The following KIF19 variants were observed in gnomAD, a reference collection of about 807,000 sequenced individuals.
The protein encoded by KIF19 is kinesin-like protein KIF19.
KIF19 carries 98 observed loss-of-function variants against 106.6 expected under a neutral mutation model. The observed-to-expected ratio is 0.92, with a 90% CI of 0.78 to 1.09. KIF19 has a LOEUF of 1.09. Ranked by LOEUF, KIF19 falls within the 50% of genes least tolerant of loss-of-function variation. The pLI, the probability that KIF19 is intolerant of heterozygous loss-of-function variation, is 0.00. For missense variants in KIF19, 1,373 were observed against 1,414.3 expected, an observed-to-expected ratio of 0.97 and a Z score of 0.47; for synonymous variants, 516 against 584.2, an observed-to-expected ratio of 0.88 and a Z score of 1.68.
chr17:74,329,276 G>A (rs757715207), intron 2 of KIF19: 1 of 151,982 alleles, frequency 6.6e-6, no homozygotes, highest in African/African-American at 2.4e-5. Context: ...GTGAAACCCA[G>A]TCTCTACTGA....
chr17:74,352,221 T>C lies in KIF19; in HGVS notation c.1861T>C (p.Tyr621His). The C allele has an allele frequency of 6.2e-7, 1 of 1,611,750 alleles. No homozygotes were observed. The change falls in exon 14 of 20, where the codon TAC becomes CAC. Residue 621 changes from tyrosine (Y) to histidine (H), a missense_variant and splice_region_variant. By Grantham distance (83) the Tyr-to-His change is moderately conservative (BLOSUM62 2). Coordinates refer to ENST00000389916, the MANE Select transcript of KIF19 (RefSeq NM_153209.4). ...IQGQRQIIDD[Y>H]NLAVPQRLEE... is the part of the protein sequence containing the mutation. ...GAGCCCTGCCCCTTCCCCAGCAGAC[T>C]ACAACCTGGCCGTCCCGCAGCGCCT...
In KIF19 at chr17:74,341,858, C is replaced by T. The variant is rs1214481836; in HGVS notation, c.121-18C>T. 6 of 1,600,654 alleles carry T rather than the reference C, an allele frequency of 3.7e-6. No individual in the cohort carries two copies. The Admixed American group carries it at 8.3e-5, about 22-fold the overall frequency. ...GGGTTCCCAGGTGACCGTGGGCCTC[C>T]CTCTGGGGACCTTGCAGATGGTGGT... On this transcript the variant is annotated intron_variant, in intron 2 of 19. Transcript: ENST00000389916.
intron 2 of KIF19, among the ~76,000 whole-genome samples, chr17:74,330,769 C>T (rs2054055420): frequency 6.6e-6 from 1 of 152,228 alleles, no homozygotes; most frequent in African/African-American, 2.4e-5. Context: ...CCTCCACTGC[C>T]TCCACCTCCA....
chr17:74,332,440 CA>C (rs1157112815), intron 2 of KIF19, among the ~76,000 whole-genome samples: 2 of 152,020 alleles, frequency 1.3e-5, no homozygotes, highest in African/African-American at 4.8e-5. Flanking sequence ...AGCTACAGAT[CA>C]AACAGCCGTC....
At position 74,344,359 on chromosome 17, in the gene KIF19, T is replaced by A; in HGVS notation, c.582+11T>A. 3 of 1,610,972 alleles carry A rather than the reference T, an allele frequency of 1.9e-6. No individual in the cohort carries two copies. In the South Asian group the frequency reaches 3.3e-5, roughly 18 times the overall value. On this transcript the variant is annotated intron_variant, in intron 6 of 19. Coordinates refer to ENST00000389916, the MANE Select transcript of KIF19 (RefSeq NM_153209.4). ...ATCAATGCCAAGGAGGCGAGTTTTG[T>A]GTGGCCAGCCTGGAGCCGCTGAGAG...
intron 17 of KIF19, 142 bp from the exon 18 acceptor site, chr17:74,354,020 A>C: frequency 2.2e-6 from 2 of 922,426 alleles, no homozygotes; most frequent in Non-Finnish European, 3.2e-6. Context: ...AAATGGGCCC[A>C]AGTTTCTTAC....
Position 74,355,282 on chromosome 17 carries a change from T to G in KIF19, c.2967T>G (p.His989Gln), listed in dbSNP as rs1480379128. The change falls in exon 20 of 20, where the codon CAT (histidine) becomes CAG (glutamine). Residue 989 changes from histidine (H) to glutamine (Q), a missense_variant. His to Gln is a conservative substitution (Grantham distance 24, BLOSUM62 0). Transcript: ENST00000389916. The part of the protein sequence containing the change: ...GPRLPHGTST[H>Q]GKDGCSRHN ...GCCTGCCCCACGGCACAAGCACCCA[T>G]GGCAAAGATGGATGCTCCCGGCATA... 1 of 1,611,994 alleles carries G rather than the reference T, an allele frequency of 6.2e-7. No individual in the cohort carries two copies. The highest frequency in any genetic ancestry group is 8.5e-7 in the Non-Finnish European group (1 of 1,179,560).
chr17:74,332,179 A>AGTGTGTGT (rs1270595840), intron 2 of KIF19, among the ~76,000 whole-genome samples: 197 of 117,778 alleles, frequency 1.7e-3, no homozygotes, highest in African/African-American at 5.6e-3. Context: ...TGAACACCTC[A>AGTGTGTGT]GTGTGTGTGT....
At chr17:74,342,554 G>T in intron 3 of KIF19, 76 bp from the exon 4 acceptor site, 1 of 1,125,288 alleles carries the variant, frequency 8.9e-7, no homozygotes, top group Non-Finnish European at 1.3e-6. Flanking sequence ...TCCTATCAGA[G>T]GTCAGGAAGA....
At position 74,351,934 on chromosome 17, in the gene KIF19, G is replaced by T. The variant is rs576803871; in HGVS notation, c.1655G>T (p.Arg552Leu). 27 of 1,452,948 alleles carry T rather than the reference G, an allele frequency of 1.9e-5. No individual in the cohort carries two copies. The highest frequency in any genetic ancestry group is 2.9e-5 in the East Asian group (1 of 34,312). The allele number at this position is 1,452,948 out of a possible 1,614,324, so 90.0% of individuals were successfully genotyped here. A position where few individuals can be genotyped will look rare whatever the true frequency, so the allele number is the denominator to read the frequency against. Residue 552 changes from arginine (R) to leucine (L), a missense_variant, in exon 13 of 20, where the codon CGG becomes CTG. Around this residue, in one of 3 missense-constraint regions of KIF19, gnomAD observed 1,020 missense variants for 1,008.2 expected, o/e 1.01. Coordinates refer to ENST00000389916, the MANE Select transcript of KIF19 (RefSeq NM_153209.4). ...RGRRLEETLP[R>L]RIGSEEQREV... Reference sequence around the variant, plus strand: ...CGGCGCCTGGAGGAGACGCTGCCGCGGCGCATCGGCTCCGAGGAGCAGCGC... The same window carrying T: ...CGGCGCCTGGAGGAGACGCTGCCGCTGCGCATCGGCTCCGAGGAGCAGCGC...
intron 2 of KIF19, among the ~76,000 whole-genome samples, chr17:74,335,450 C>A (rs1397106841): frequency 6.6e-6 from 1 of 152,244 alleles, no homozygotes; most frequent in Non-Finnish European, 1.5e-5. Flanking sequence ...GAGCCTGGTC[C>A]CCCGATAGGG....
chr17:74,343,285 A>C, intron 5 of KIF19, 125 bp downstream of exon 5: 2 of 960,918 alleles, frequency 2.1e-6, no homozygotes, highest in Non-Finnish European at 1.5e-6. Flanking sequence ...CCACTTTACA[A>C]ACATCGCAGG....
intron 2 of KIF19, among the ~76,000 whole-genome samples, chr17:74,340,751 G>A (rs1000409292): frequency 6.6e-6 from 1 of 152,220 alleles, no homozygotes; most frequent in Admixed American, 6.5e-5. Context: ...TCTCAGCTGC[G>A]AGTGGAGATC....
At chr17:74,330,768 C>T (rs914517639) in intron 2 of KIF19, among the ~76,000 whole-genome samples, 3 of 152,204 alleles carry the variant, frequency 2.0e-5, no homozygotes, top group Non-Finnish European at 4.4e-5. Flanking sequence ...GCCTCCACTG[C>T]CTCCACCTCC....
At position 74,354,393 on chromosome 17, in the gene KIF19, CCAG is replaced by C. The variant is rs1567925510; in HGVS notation, c.2546_2548del (p.Ser849del). 8.7e-6 allele frequency: 14 copies of C among 1,610,500 alleles called. No homozygotes were observed. The highest frequency in any genetic ancestry group is 1.2e-5 in the Non-Finnish European group (14 of 1,178,968). ...CATGCTGCCAGTGAGGACAACCTGT[CCAG>C]CAGCACGGGCGAGGCCCCGTCCCGG... On this transcript the variant is annotated inframe_deletion, in exon 18 of 20. Coordinates refer to ENST00000389916, the MANE Select transcript of KIF19 (RefSeq NM_153209.4).
At chr17:74,341,725 C>T in intron 2 of KIF19, 151 bp from the exon 3 acceptor site, 1 of 629,748 alleles carries the variant, frequency 1.6e-6, no homozygotes, top group East Asian at 2.7e-5. Context: ...TGCCCACATC[C>T]TGAGGCGACG....
rs1484867121 is a variant in KIF19 at position 74,350,785 on chromosome 17, C to T, written c.1467C>T (p.Ser489=). The T allele has an allele frequency of 2.5e-6, 4 of 1,614,022 alleles. No individual in the cohort carries two copies. Among genetic ancestry groups the T allele is most frequent in the South Asian group, 1.1e-5 (1 of 91,082 alleles). Residue 489 remains serine (S), a synonymous_variant, in exon 12 of 20, where the codon AGC becomes AGT. Transcript: ENST00000389916. ...AGGAGTGCTACGCTAAGGACGACAG[C>T]GAGAAGGACTCAGACACAGGTGATG... ...QRKECYAKDD[S]EKDSDTGDDQ... is the part of the protein sequence containing the mutation.
intron 2 of KIF19, among the ~76,000 whole-genome samples, chr17:74,334,294 G>A (rs535444739): frequency 1.3e-5 from 2 of 152,328 alleles, no homozygotes; most frequent in South Asian, 4.1e-4. Context: ...TGGATACAAG[G>A]AAGGGTGCTT....
rs776889374 is a variant in KIF19 at position 74,350,472 on chromosome 17, G to A, written c.1285G>A (p.Ala429Thr). The A allele has an allele frequency of 1.4e-5, 22 of 1,611,236 alleles. No homozygotes were observed. The highest frequency in any genetic ancestry group is 6.7e-5 in the East Asian group (3 of 44,822). ...MGQLREQLASAFQEQMDVRRR... is the reference protein window; with the variant it reads ...MGQLREQLASTFQEQMDVRRR... ...ACAGCTTCGGGAGCAGCTCGCCAGC[G>A]CCTTCCAGGAGCAGATGGATGTGCG... The change falls in exon 11 of 20, where the codon GCC (alanine) becomes ACC (threonine). Residue 429 changes from alanine (A) to threonine (T), a missense_variant. Physicochemically the swap from Ala to Thr is moderately conservative, Grantham distance 58. Coordinates refer to ENST00000389916, the MANE Select transcript of KIF19 (RefSeq NM_153209.4).
Sources: allele counts gnomAD v4.1 joint callset (sites outside exome capture counted in the v4.1 genomes callset), GRCh38; gene constraint gnomAD v4.1.1; regional missense constraint gnomAD v4.1.1; transcripts MANE v1.5; gene names NCBI Gene and HGNC (gene_info 2026-07-23, HGNC 2026-07-21).